FARP1: variants seen among roughly 807,000 people sequenced by gnomAD.
FARP1 encodes the protein FERM, ARHGEF and pleckstrin domain-containing protein 1.
A neutral mutation model predicts 128.8 loss-of-function variants in FARP1; 52 were observed. The ratio of observed to expected loss-of-function variants is 0.40; its 90% CI spans 0.32 to 0.51. The LOEUF (loss-of-function observed/expected upper bound fraction) is 0.51, where lower values mean the gene tolerates loss of function less well. FARP1 is among the 20% of genes least tolerant of loss of function. FARP1 has a pLI of 0.45. For missense variants in FARP1, 1,333 were observed against 1,367.9 expected (o/e 0.97, Z 0.40); for synonymous variants, 580 against 551.8 (o/e 1.05, Z -0.72).
chr13:98,302,149 A>AG lies in FARP1; in HGVS notation c.172-41609dup, dbSNP rs529864425. ...AGCTGCCACATTTTGGCACAAAAGC[A>AG]GGGGCCACCAAGTTAGCTGTTAACT... On this transcript the variant is annotated intron_variant, in intron 2 of 26. Coordinates refer to ENST00000319562, the MANE Select transcript of FARP1 (RefSeq NM_005766.4). Among the ~76,000 whole-genome samples, 36 of 152,310 alleles carry AG rather than the reference A, an allele frequency of 2.4e-4. No individual in the cohort carries two copies. In the East Asian group the frequency reaches 5.8e-3, roughly 25 times the overall value.
chr13:98,172,967 G>A (rs1877756136), intron 1 of FARP1, among the ~76,000 whole-genome samples: 1 of 152,106 alleles, frequency 6.6e-6, no homozygotes, highest in Non-Finnish European at 1.5e-5. Context: ...TTTGTAGTGT[G>A]GTATAATCAC....
chr13:98,170,315 C>A (rs1877565218), intron 1 of FARP1, among the ~76,000 whole-genome samples: 1 of 151,484 alleles, frequency 6.6e-6, no homozygotes, highest in Non-Finnish European at 1.5e-5. Context: ...TCCCAAGCAG[C>A]TAGGATTACA....
intron 2 of FARP1, among the ~76,000 whole-genome samples, chr13:98,248,199 A>G (rs1883161716): frequency 6.6e-6 from 1 of 152,126 alleles, no homozygotes; most frequent in African/African-American, 2.4e-5. Flanking sequence ...TGAGTAAAGG[A>G]TAGATTTTGC....
chr13:98,386,348 C>T (rs1367276694), intron 8 of FARP1, among the ~76,000 whole-genome samples: 2 of 152,278 alleles, frequency 1.3e-5, no homozygotes, highest in African/African-American at 4.8e-5. Context: ...AAAACACATA[C>T]TGCACTTGAA....
chr13:98,289,445 T>C (rs1453239593), intron 2 of FARP1, among the ~76,000 whole-genome samples: 2 of 152,120 alleles, frequency 1.3e-5, no homozygotes, highest in African/African-American at 2.4e-5. Flanking sequence ...TGCATCTATT[T>C]CCAATGATAG....
intron 13 of FARP1, 109 bp downstream of exon 13, chr13:98,395,585 G>T (rs1418081552): frequency 1.5e-6 from 2 of 1,328,276 alleles, no homozygotes; most frequent in African/African-American, 3.0e-5. Flanking sequence ...TCCCGATCCC[G>T]GTCCCGATCC....
intron 23 of FARP1, among the ~76,000 whole-genome samples, 170 bp downstream of exon 23, chr13:98,440,405 C>T (rs1379519778): frequency 2.0e-5 from 3 of 152,326 alleles, no homozygotes; most frequent in South Asian, 2.1e-4. Context: ...CCCCTGAAAT[C>T]GGCATGAGGG....
Position 98,351,734 on chromosome 13 carries a change from A to T in FARP1, c.276+7868A>T, listed in dbSNP as rs1295966695. Among the ~76,000 whole-genome samples, 3 of 152,148 alleles carry T rather than the reference A, an allele frequency of 2.0e-5. No homozygotes were observed. In the East Asian group the frequency reaches 5.8e-4, roughly 29 times the overall value. On this transcript the variant is annotated intron_variant, in intron 3 of 26. Coordinates refer to ENST00000319562, the MANE Select transcript of FARP1 (RefSeq NM_005766.4). Reference sequence around the variant, plus strand: ...TCATGGCAGAAGGTGAAGTAGGAACAGGCGTGTCATGCTGCAAGAGAGAGA... The same window carrying T: ...TCATGGCAGAAGGTGAAGTAGGAACTGGCGTGTCATGCTGCAAGAGAGAGA...
intron 2 of FARP1, among the ~76,000 whole-genome samples, chr13:98,307,862 A>G (rs1405471957): frequency 6.6e-6 from 1 of 152,076 alleles, no homozygotes; most frequent in Non-Finnish European, 1.5e-5. Context: ...AAAAAAAACT[A>G]TCAGTGACTT....
intron 1 of FARP1, among the ~76,000 whole-genome samples, chr13:98,197,108 C>T (rs1028928485): frequency 6.6e-6 from 1 of 152,164 alleles, no homozygotes; most frequent in African/African-American, 2.4e-5. Context: ...GAAGCCCTAT[C>T]ATTTCTAATT....
intron 2 of FARP1, among the ~76,000 whole-genome samples, chr13:98,243,623 G>T (rs554435806): frequency 6.6e-5 from 10 of 151,110 alleles, no homozygotes; most frequent in Admixed American, 2.6e-4. Context: ...CTTGAACCCA[G>T]GAGGCGGAGG....
At chr13:98,288,925 T>C (rs1157439872) in intron 2 of FARP1, among the ~76,000 whole-genome samples, 2 of 152,142 alleles carry the variant, frequency 1.3e-5, no homozygotes, top group East Asian at 1.9e-4. Context: ...TCATATGTTA[T>C]GAATTCTATT....
intron 2 of FARP1, among the ~76,000 whole-genome samples, chr13:98,254,436 A>G (rs1883488959): frequency 1.3e-5 from 2 of 152,214 alleles, no homozygotes; most frequent in South Asian, 2.1e-4. Context: ...TAGATAACAC[A>G]TGTAAAATGA....
intron 2 of FARP1, among the ~76,000 whole-genome samples, chr13:98,341,243 CT>C (rs1156820817): frequency 6.6e-6 from 1 of 152,066 alleles, no homozygotes; most frequent in Non-Finnish European, 1.5e-5. Flanking sequence ...CATCCGTGTA[CT>C]TGGCGGGCTT....
chr13:98,348,517 C>T (rs1888274058), intron 3 of FARP1, among the ~76,000 whole-genome samples: 1 of 152,238 alleles, frequency 6.6e-6, no homozygotes, highest in Admixed American at 6.5e-5. Context: ...CTTGCTAAAA[C>T]TGGACACGGA....
In FARP1 at chr13:98,176,169, CT is replaced by C; in HGVS notation, c.-24+32683del. ...ATACAGACTTGAGTCTTTCTTATCT[CT>C]TTTTTCCTAAAAGAACAAAAAAATT... On this transcript the variant is annotated intron_variant, in intron 1 of 26. Coordinates refer to ENST00000319562, the MANE Select transcript of FARP1 (RefSeq NM_005766.4). The surrounding 1 kb of genome is among the most constrained non-coding windows in gnomAD (Gnocchi z 6.2). The C allele has an allele frequency of 6.2e-7, 1 of 1,610,388 alleles. No homozygotes were observed. The highest frequency in any genetic ancestry group is 8.5e-7 in the Non-Finnish European group (1 of 1,176,976).
chr13:98,238,681 G>C (rs1882589817), intron 2 of FARP1, among the ~76,000 whole-genome samples: 1 of 152,140 alleles, frequency 6.6e-6, no homozygotes. Context: ...GCATAGGAAA[G>C]ACCTGCCCCC....
chr13:98,323,805 A>T (rs1247188430), intron 2 of FARP1, among the ~76,000 whole-genome samples: 1 of 152,200 alleles, frequency 6.6e-6, no homozygotes, highest in Non-Finnish European at 1.5e-5. Flanking sequence ...AACTTTATTC[A>T]GCCTTTAGAG....
In FARP1 at chr13:98,411,941, A is replaced by C; in HGVS notation, c.1733A>C (p.Glu578Ala). The change falls in exon 16 of 27, where the codon GAA (glutamate) becomes GCA (alanine). Residue 578 changes from glutamate to alanine, a missense_variant. By Grantham distance (107) the Glu-to-Ala change is moderately radical (BLOSUM62 -1). Coordinates refer to ENST00000319562, the MANE Select transcript of FARP1 (RefSeq NM_005766.4). ...STVSKEDAMP[E>A]ALKSLIFPNF... ...GTGAGCAAAGAGGACGCCATGCCGG[A>C]AGCACTGAAAAGTCTCATATTCCCG... 6.2e-7 allele frequency: 1 copy of C among 1,614,084 alleles called. No homozygotes were observed. The highest frequency in any genetic ancestry group is 8.5e-7 in the Non-Finnish European group (1 of 1,179,930).
Sources: gnomAD v4.1 joint callset for allele counts (sites outside exome capture counted in the v4.1 genomes callset) on GRCh38, gnomAD v4.1.1 for gene constraint, Gnocchi (gnomAD v3.1) non-coding constraint, MANE v1.5 for transcripts, NCBI Gene and HGNC (gene_info 2026-07-23, HGNC 2026-07-21) for gene names.